The following AKAP3 variants were observed in gnomAD, a reference collection of about 807,000 sequenced individuals.
The protein encoded by AKAP3 is A-kinase anchor protein 3.
AKAP3 carries 27 observed loss-of-function variants against 57.2 expected under a neutral mutation model. The ratio of observed to expected loss-of-function variants is 0.47; its 90% confidence interval spans 0.35 to 0.65. The LOEUF (loss-of-function observed/expected upper bound fraction) is 0.65. Among genes scored for constraint, AKAP3 ranks in the 30% least tolerant of loss-of-function variants. The pLI is 0.01. For missense variants in AKAP3, 959 were observed against 1,040.0 expected, an observed-to-expected ratio of 0.92 and a Z score of 1.07; for synonymous variants, 334 against 392.3, an observed-to-expected ratio of 0.85 and a Z score of 1.76.
intron 5 of AKAP3, among the ~76,000 whole-genome samples, chr12:4,621,827 C>A (rs1350117585): frequency 1.3e-5 from 2 of 151,790 alleles, no homozygotes; most frequent in African/African-American, 4.8e-5. Context: ...AACATAAAAC[C>A]CAGCAAAAAT....
chr12:4,640,029 G>A (rs1945618261), intron 3 of AKAP3, among the ~76,000 whole-genome samples: 1 of 152,014 alleles, frequency 6.6e-6, no homozygotes, highest in African/African-American at 2.4e-5. Context: ...TGTTAGCCAG[G>A]ATGGTCTTGA....
intron 1 of AKAP3, among the ~76,000 whole-genome samples, chr12:4,646,647 G>A (rs2137454535): frequency 6.6e-6 from 1 of 152,052 alleles, no homozygotes. Context: ...ACTCCAGCCT[G>A]GGTGACAGAG....
intron 3 of AKAP3, 81 bp downstream of exon 3, chr12:4,641,818 T>A (rs957487028): frequency 1.3e-5 from 2 of 152,190 alleles, no homozygotes; most frequent in South Asian, 4.1e-4. Flanking sequence ...ATCAATAGGA[T>A]CTATTGCTTT....
chr12:4,646,160 A>G (rs909682075), intron 1 of AKAP3, among the ~76,000 whole-genome samples: 2 of 152,166 alleles, frequency 1.3e-5, no homozygotes, highest in Admixed American at 6.5e-5. Context: ...GTAGTGGGAA[A>G]AATCACACCA....
At chr12:4,644,733 C>T (rs553390261) in intron 2 of AKAP3, among the ~76,000 whole-genome samples, 26 of 152,216 alleles carry the variant, frequency 1.7e-4, no homozygotes, top group African/African-American at 5.5e-4. Flanking sequence ...GCCAACATGG[C>T]GAAAACCTGT....
chr12:4,622,168 TAGAA>T (rs377525456), intron 5 of AKAP3, among the ~76,000 whole-genome samples: 165 of 152,296 alleles, frequency 1.1e-3, no homozygotes, highest in African/African-American at 3.7e-3. Context: ...TTCTCATGGA[TAGAA>T]AGAGTCAATA....
intron 3 of AKAP3, among the ~76,000 whole-genome samples, chr12:4,641,486 T>C (rs1945637340): frequency 1.3e-5 from 2 of 152,228 alleles, no homozygotes; most frequent in African/African-American, 2.4e-5. Flanking sequence ...TGTGGGCCAC[T>C]GCACCCGGCC....
intron 3 of AKAP3, among the ~76,000 whole-genome samples, 176 bp downstream of exon 3, chr12:4,641,723 C>T (rs371921513): frequency 1.3e-5 from 2 of 152,206 alleles, no homozygotes; most frequent in Non-Finnish European, 1.5e-5. Flanking sequence ...ATTGATAGTA[C>T]AAGTGAGAGC....
intron 1 of AKAP3, among the ~76,000 whole-genome samples, chr12:4,646,307 T>G (rs574936468): frequency 1.3e-5 from 2 of 152,206 alleles, no homozygotes; most frequent in African/African-American, 4.8e-5. Flanking sequence ...ATTCCAAGCA[T>G]GGCCACGAGA....
chr12:4,628,324 T>A lies in AKAP3; in HGVS notation c.578A>T (p.Asp193Val). 6 of 1,614,188 alleles carry A rather than the reference T, an allele frequency of 3.7e-6. No homozygotes were observed. Among genetic ancestry groups the A allele is most frequent in the Non-Finnish European group, 5.1e-6 (6 of 1,180,014 alleles). Residue 193 changes from aspartate (D) to valine (V), a missense_variant, in exon 5 of 6, where the codon GAC becomes GTC. Asp to Val is a radical substitution (Grantham distance 152). Coordinates refer to ENST00000228850, the MANE Select transcript of AKAP3 (RefSeq NM_001278309.2). ...TCTGTCTCCAGAGCCAGGAGCCTTG[T>A]CTGGGGCAGCATTCCTGGAACATGC... ...VSACSRNAAP[D>V]KAPGSGDRVS...
At chr12:4,638,724 A>C (rs139245036) in intron 3 of AKAP3, among the ~76,000 whole-genome samples, 67 of 152,302 alleles carry the variant, frequency 4.4e-4, no homozygotes, top group East Asian at 4.2e-3. Flanking sequence ...ATCCCTCCTC[A>C]TTAGCCAAGG....
chr12:4,640,540 ACAT>A (rs1366597777), intron 3 of AKAP3, among the ~76,000 whole-genome samples: 1 of 152,264 alleles, frequency 6.6e-6, no homozygotes, highest in African/African-American at 2.4e-5. Flanking sequence ...AAGATTAAAT[ACAT>A]CATTGAAACT....
In AKAP3 at chr12:4,631,373, G is replaced by A. The variant is rs953112506; in HGVS notation, c.97-2568C>T. 5.7e-6 allele frequency: 4 copies of A among 699,586 alleles called. No homozygotes were observed. In the African/African-American group the frequency reaches 7.0e-5, roughly 12 times the overall value. The allele number at this position is 699,586 out of a possible 1,614,324, so 43.3% of individuals were successfully genotyped here. ...CATGGAAGGAGAAGTGCTCCTTGATGTCCGGACAGGTGAGTTTTATGTTTA... is the reference window on the plus strand; with the variant it reads ...CATGGAAGGAGAAGTGCTCCTTGATATCCGGACAGGTGAGTTTTATGTTTA... On this transcript the variant is annotated intron_variant, in intron 4 of 5. Coordinates refer to ENST00000228850, the MANE Select transcript of AKAP3 (RefSeq NM_001278309.2).
At chr12:4,632,297 T>TAAGGTGGTATAAG (rs1213501756) in intron 4 of AKAP3, among the ~76,000 whole-genome samples, 2 of 152,332 alleles carry the variant, frequency 1.3e-5, no homozygotes, top group Admixed American at 6.5e-5. Context: ...AAGGGGTGTA[T>TAAGGTGGTATAAG]GTGACTGTAG....
At chr12:4,632,524 G>C (rs1468647727) in intron 4 of AKAP3, among the ~76,000 whole-genome samples, 1 of 152,226 alleles carries the variant, frequency 6.6e-6, no homozygotes, top group Non-Finnish European at 1.5e-5. Context: ...AAGTCTAAGT[G>C]TATACCTGCT....
At position 4,625,849 on chromosome 12, in the gene AKAP3, C is replaced by T. The variant is rs574067782; in HGVS notation, c.2406+647G>A. 3.7e-4 allele frequency among the ~76,000 whole-genome samples: 56 copies of T among 152,086 alleles called. No individual in the cohort carries two copies. The highest frequency in any genetic ancestry group is 7.4e-4 in the Non-Finnish European group (50 of 68,018). ...CCAGACTCAAACCCTCCCTTTGGCG[C>T]GCAGTTCTGATGCTTACTGGGCACC... On this transcript the variant is annotated intron_variant, in intron 5 of 5. Coordinates refer to ENST00000228850, the MANE Select transcript of AKAP3 (RefSeq NM_001278309.2). This position sits in a 1 kb window ranked among gnomAD's most constrained non-coding sequence, Gnocchi z 5.4.
chr12:4,637,266 C>T (rs773700030), intron 4 of AKAP3, among the ~76,000 whole-genome samples: 2 of 152,196 alleles, frequency 1.3e-5, no homozygotes, highest in East Asian at 1.9e-4. Context: ...TTCTCCTTTG[C>T]GGTTGGCATT....
At chr12:4,639,904 C>T (rs1439879295) in intron 3 of AKAP3, among the ~76,000 whole-genome samples, 1 of 150,618 alleles carries the variant, frequency 6.6e-6, no homozygotes, top group East Asian at 2.0e-4. Flanking sequence ...GCAAGCTCCG[C>T]CTCCTGGGTT....
intron 4 of AKAP3, chr12:4,631,349 A>T (rs11063270): frequency 0.23 from 163,482 of 700,570 alleles, 22,873 homozygotes; most frequent in East Asian, 0.45. Context: ...TTGTGCTCAC[A>T]TGGAAGGAGA....
Sources: gnomAD v4.1 joint callset for allele counts (sites outside exome capture counted in the v4.1 genomes callset) on GRCh38, gnomAD v4.1.1 for gene constraint, Gnocchi (gnomAD v3.1) non-coding constraint, MANE v1.5 for transcripts, NCBI Gene and HGNC (gene_info 2026-07-23, HGNC 2026-07-21) for gene names.